NT5M: variants seen among roughly 807,000 people sequenced by gnomAD.
NT5M encodes 5',3'-nucleotidase, mitochondrial.
In NT5M, 22 loss-of-function variants were observed where a neutral mutation model predicts 22.2. That is an observed-to-expected ratio of 0.99 (90% CI 0.71 to 1.41). NT5M has a LOEUF of 1.41. NT5M is among the 40% of genes most tolerant of loss of function. The probability of loss-of-function intolerance (pLI) is 0.00; values close to 1 mark genes in which losing one functional copy is unlikely to be tolerated. For missense variants in NT5M, 322 were observed against 314.8 expected (o/e 1.02, Z -0.17); for synonymous variants, 167 against 133.0 (o/e 1.26, Z -1.76).
rs2048722345 is a variant in NT5M at position 17,303,431 on chromosome 17, C to T, written c.-120C>T. 7 of 992,088 alleles carry T rather than the reference C, an allele frequency of 7.1e-6. No homozygotes were observed. Among genetic ancestry groups the T allele is most frequent in the African/African-American group, 5.2e-5 (3 of 57,230 alleles). 61.5% of individuals were successfully genotyped at this position (992,088 alleles called of 1,614,324 possible). On this transcript the variant is annotated 5_prime_UTR_variant, in exon 1 of 5. Transcript: ENST00000389022. ...GCGCTCCCCGCCCCGCTCCCCGTCC[C>T]GCGCTCCACGCGCGCCCCAGCGTTG...
intron 3 of NT5M, among the ~76,000 whole-genome samples, chr17:17,340,653 A>T (rs28813401): frequency 0.021 from 3,144 of 151,944 alleles, 118 homozygotes; most frequent in African/African-American, 0.071. Flanking sequence ...TAGCCTCTCG[A>T]GTAGCTGGGA....
At chr17:17,327,406 C>T (rs2049289537) in intron 3 of NT5M, among the ~76,000 whole-genome samples, 2 of 98,554 alleles carry the variant, frequency 2.0e-5, no homozygotes, top group African/African-American at 3.6e-5. Context: ...TGCAGTGACA[C>T]GATCTTGGCT....
chr17:17,303,625 GGGCGGGCTGGGCCT>G lies in NT5M; in HGVS notation c.82_95del (p.Leu28ArgfsTer16). On this transcript the variant is annotated frameshift_variant, in exon 1 of 5. Transcript: ENST00000389022. LOFTEE classifies it high-confidence loss of function. Reference sequence around the variant, plus strand: ...TTCCCGCGGGGCGGCGCGGGGCGGCGGGCGGGCTGGGCCTGGCGGGAGGCCGCGCCCTACGGGTG... The same window carrying G: ...TTCCCGCGGGGCGGCGCGGGGCGGCGGGCGGGAGGCCGCGCCCTACGGGTG... The G allele has an allele frequency of 1.5e-6, 2 of 1,317,130 alleles. No individual in the cohort carries two copies. Among genetic ancestry groups the G allele is most frequent in the South Asian group, 2.5e-5 (1 of 40,220 alleles). 81.6% of individuals were successfully genotyped at this position (1,317,130 alleles called of 1,614,324 possible). A position where few individuals can be genotyped will look rare whatever the true frequency, so the allele number is the denominator to read the frequency against.
intron 2 of NT5M, among the ~76,000 whole-genome samples, chr17:17,322,350 T>C (rs1001190938): frequency 3.3e-5 from 5 of 151,880 alleles, no homozygotes; most frequent in Non-Finnish European, 7.4e-5. Context: ...CAGAGGCGAG[T>C]TGGGGAGGTG....
At chr17:17,343,999 C>T (rs1233713218) in intron 3 of NT5M, among the ~76,000 whole-genome samples, 1 of 152,128 alleles carries the variant, frequency 6.6e-6, no homozygotes, top group South Asian at 2.1e-4. Flanking sequence ...GGACCTGCTA[C>T]CCTATAGGAA....
intron 2 of NT5M, among the ~76,000 whole-genome samples, chr17:17,317,159 C>T (rs1466685524): frequency 6.6e-6 from 1 of 151,288 alleles, no homozygotes; most frequent in Non-Finnish European, 1.5e-5. Flanking sequence ...ATGCCATTCT[C>T]CTGCCTCAGC....
At chr17:17,341,816 G>T (rs1424231148) in intron 3 of NT5M, among the ~76,000 whole-genome samples, 1 of 152,140 alleles carries the variant, frequency 6.6e-6, no homozygotes, top group African/African-American at 2.4e-5. Context: ...GGATCACAAG[G>T]TCAGGAGTTT....
At chr17:17,317,042 T>C (rs1355538378) in intron 2 of NT5M, among the ~76,000 whole-genome samples, 2 of 83,760 alleles carry the variant, frequency 2.4e-5, no homozygotes, top group African/African-American at 7.8e-5. Flanking sequence ...TTTTTGTTTT[T>C]GTTTTTGTTT....
chr17:17,347,026 G>A lies in NT5M; in HGVS notation c.*79G>A, dbSNP rs1468797729. On this transcript the variant is annotated 3_prime_UTR_variant, in exon 5 of 5. Transcript: ENST00000389022. ...TCGGGGCCTGTGGGGCCAGTATGCT[G>A]GTCTGGGAGTCCCTCCTAGACTCCT... 6.5e-7 allele frequency: 1 copy of A among 1,544,704 alleles called. No individual in the cohort carries two copies. Among genetic ancestry groups the A allele is most frequent in the South Asian group, 1.2e-5 (1 of 83,882 alleles).
At chr17:17,340,422 C>A (rs1285088882) in intron 3 of NT5M, among the ~76,000 whole-genome samples, 2 of 151,630 alleles carry the variant, frequency 1.3e-5, no homozygotes, top group African/African-American at 4.9e-5. Flanking sequence ...TTCCAAAAAA[C>A]CAACTTTTTG....
In NT5M at chr17:17,313,683, C is replaced by T. The variant is rs541291679; in HGVS notation, c.368+7040C>T. The stretch of plus-strand genomic sequence containing the variant: ...AGAGTTCTTACCTTCAAAGAGTTCC[C>T]TGGTAAACAGACATTGGAACATAGA... On this transcript the variant is annotated intron_variant, in intron 2 of 4. Transcript: ENST00000389022. 2.0e-5 allele frequency among the ~76,000 whole-genome samples: 3 copies of T among 148,612 alleles called. No individual in the cohort carries two copies. In the South Asian group the frequency reaches 6.3e-4, roughly 31 times the overall value.
intron 3 of NT5M, among the ~76,000 whole-genome samples, chr17:17,334,468 A>G (rs2049455845): frequency 6.9e-6 from 1 of 144,994 alleles, no homozygotes; most frequent in African/African-American, 2.6e-5. Context: ...ACACTGTCTC[A>G]GTTACTGTAG....
chr17:17,324,872 G>T (rs2049232848), intron 3 of NT5M, among the ~76,000 whole-genome samples: 1 of 152,146 alleles, frequency 6.6e-6, no homozygotes, highest in African/African-American at 2.4e-5. Flanking sequence ...AACACGCTAG[G>T]AGCACGAGTT....
chr17:17,327,202 A>G (rs7210625), intron 3 of NT5M, among the ~76,000 whole-genome samples: 34,117 of 102,436 alleles, frequency 0.33, 13,012 homozygotes, highest in Middle Eastern at 0.41. Flanking sequence ...GTGAGCCACC[A>G]CACCCAGCCC....
intron 3 of NT5M, 31 bp downstream of exon 3, chr17:17,323,276 T>TA: frequency 6.3e-7 from 1 of 1,582,654 alleles, no homozygotes; most frequent in Non-Finnish European, 8.7e-7. Context: ...GCTGAGCCCT[T>TA]ACCCCATGCA....
intron 2 of NT5M, among the ~76,000 whole-genome samples, chr17:17,322,461 G>A (rs1460771676): frequency 6.6e-6 from 1 of 152,148 alleles, no homozygotes; most frequent in Non-Finnish European, 1.5e-5. Context: ...TGGAGGTAGT[G>A]CCAAGTATCA....
chr17:17,315,866 C>G (rs1392300520), intron 2 of NT5M, among the ~76,000 whole-genome samples: 2 of 150,038 alleles, frequency 1.3e-5, no homozygotes, highest in Non-Finnish European at 3.0e-5. Context: ...GCTGTTCTGC[C>G]TCAGCCTCCC....
At chr17:17,319,419 C>T (rs1008181951) in intron 2 of NT5M, among the ~76,000 whole-genome samples, 1 of 151,964 alleles carries the variant, frequency 6.6e-6, no homozygotes, top group Non-Finnish European at 1.5e-5. Flanking sequence ...TAATTATACA[C>T]TTAAAATAGG....
chr17:17,323,093 G>T (rs1033750364), intron 2 of NT5M, 92 bp from the exon 3 acceptor site: 2 of 976,656 alleles, frequency 2.0e-6, no homozygotes, highest in African/African-American at 1.6e-5. Flanking sequence ...GACTCAGAGG[G>T]TCCAGCCCTG....
Sources: gnomAD v4.1 joint callset for allele counts (sites outside exome capture counted in the v4.1 genomes callset) on GRCh38, gnomAD v4.1.1 for gene constraint, MANE v1.5 for transcripts, NCBI Gene and HGNC (gene_info 2026-07-23, HGNC 2026-07-21) for gene names.